Variants in FOXP1 observed in about 807,000 individuals in gnomAD.
FOXP1 encodes the protein forkhead box P1, also known as forkhead box protein P1.
A neutral mutation model predicts 98.2 loss-of-function variants in FOXP1; 15 were observed. That is an observed-to-expected ratio of 0.15 (90% CI 0.10 to 0.24). The LOEUF (loss-of-function observed/expected upper bound fraction) is 0.24. FOXP1 is among the 10% of genes least tolerant of loss of function. The probability of loss-of-function intolerance (pLI) is 1.00; values close to 1 mark genes in which losing one functional copy is unlikely to be tolerated. For missense variants in FOXP1, 633 were observed against 848.5 expected (o/e 0.75, Z 3.15); for synonymous variants, 371 against 314.5 (o/e 1.18, Z -1.90).
At chr3:71,234,719 A>G (rs536492393) in intron 5 of FOXP1, among the ~76,000 whole-genome samples, 1 of 152,338 alleles carries the variant, frequency 6.6e-6, no homozygotes, top group South Asian at 2.1e-4. Context: ...GTGAATGTTC[A>G]AAGAGTGACA....
rs952423735 is a variant in FOXP1 at position 71,373,992 on chromosome 3, G to T, written c.-167-14748C>A. Among the ~76,000 whole-genome samples the T allele has an allele frequency of 2.6e-4, 39 of 152,146 alleles. 1 individual carries two copies. The highest frequency in any genetic ancestry group is 1.6e-4 in the Non-Finnish European group (11 of 68,032). ...TTACCTGTTACTCTTGACAAGTAAG[G>T]TAATTAATGTAGCAAAATACCACTG... On this transcript the variant is annotated intron_variant, in intron 3 of 20. Coordinates refer to ENST00000649528, the MANE Select transcript of FOXP1 (RefSeq NM_001349338.3).
At chr3:71,277,779 TA>T (rs34566349) in intron 5 of FOXP1, among the ~76,000 whole-genome samples, 89,972 of 149,954 alleles carry the variant, frequency 0.6, 27,122 homozygotes, top group African/African-American at 0.68. Flanking sequence ...TTTCCCTAGT[TA>T]AAAAAAAAAA....
At chr3:71,428,947 C>T (rs990276333) in intron 3 of FOXP1, among the ~76,000 whole-genome samples, 1 of 152,212 alleles carries the variant, frequency 6.6e-6, no homozygotes, top group African/African-American at 2.4e-5. Flanking sequence ...GTCCATTCTA[C>T]TGTGCAATTA....
At chr3:71,390,236 C>G (rs2108116739) in intron 3 of FOXP1, among the ~76,000 whole-genome samples, 1 of 152,262 alleles carries the variant, frequency 6.6e-6, no homozygotes, top group East Asian at 1.9e-4. Context: ...TGCTGTAACT[C>G]AAAACCTCCT....
intron 12 of FOXP1, among the ~76,000 whole-genome samples, chr3:71,009,013 T>A (rs756343655): frequency 2.6e-5 from 4 of 151,822 alleles, no homozygotes; most frequent in Non-Finnish European, 4.4e-5. Flanking sequence ...TACAGCTTAT[T>A]AATCTGGAGC....
intron 4 of FOXP1, among the ~76,000 whole-genome samples, chr3:71,319,653 C>T (rs1327275889): frequency 1.3e-5 from 2 of 152,098 alleles, no homozygotes; most frequent in African/African-American, 4.8e-5. Context: ...CACACCATGC[C>T]ACTGAAACCT....
chr3:71,318,154 G>GTT (rs56227948), intron 4 of FOXP1, among the ~76,000 whole-genome samples: 1 of 133,250 alleles, frequency 7.5e-6, no homozygotes, highest in African/African-American at 2.8e-5. Context: ...ACCCAGCAAG[G>GTT]TTTTTTTTTT....
chr3:71,332,955 A>T (rs2076432083), intron 4 of FOXP1: 2 of 152,236 alleles, frequency 1.3e-5, no homozygotes. Flanking sequence ...CAAGTTTAAA[A>T]TAGCAGCTGA....
intron 2 of FOXP1, among the ~76,000 whole-genome samples, chr3:71,552,237 T>A (rs1365708541): frequency 6.6e-6 from 1 of 152,182 alleles, no homozygotes; most frequent in African/African-American, 2.4e-5. Context: ...CTATCAGATG[T>A]CAAATTTCTT....
At chr3:71,201,863 C>T (rs2063698138) in intron 5 of FOXP1, among the ~76,000 whole-genome samples, 4 of 152,054 alleles carry the variant, frequency 2.6e-5, no homozygotes, top group Admixed American at 2.6e-4. Flanking sequence ...ACTTGATCCC[C>T]AAAAGACAAC....
At chr3:70,961,752 G>C (rs2033582100) in intron 20 of FOXP1, among the ~76,000 whole-genome samples, 1 of 152,040 alleles carries the variant, frequency 6.6e-6, no homozygotes, top group African/African-American at 2.4e-5. Context: ...AAAATTTCAA[G>C]ACAAAAATGG....
chr3:71,531,687 A>G (rs2043863658), intron 2 of FOXP1, among the ~76,000 whole-genome samples: 1 of 152,148 alleles, frequency 6.6e-6, no homozygotes, highest in Non-Finnish European at 1.5e-5. Context: ...ATGATTTATC[A>G]TTTCTGACTA....
intron 3 of FOXP1, among the ~76,000 whole-genome samples, chr3:71,452,632 CGAG>C (rs1471818953): frequency 1.3e-5 from 2 of 152,046 alleles, no homozygotes; most frequent in African/African-American, 4.8e-5. Flanking sequence ...ATTTTTTTAC[CGAG>C]GATGCTGCTT....
intron 20 of FOXP1, among the ~76,000 whole-genome samples, chr3:70,959,778 A>T (rs559721317): frequency 4.9e-4 from 74 of 152,228 alleles, no homozygotes; most frequent in Admixed American, 9.8e-4. Context: ...CACACGCTGC[A>T]GTCACCTGTG....
chr3:71,483,588 G>A (rs888376278), intron 3 of FOXP1, among the ~76,000 whole-genome samples: 1 of 152,010 alleles, frequency 6.6e-6, no homozygotes, highest in Non-Finnish European at 1.5e-5. Flanking sequence ...TTCTAATTTC[G>A]GCGTCTGTAA....
intron 5 of FOXP1, among the ~76,000 whole-genome samples, chr3:71,299,008 G>C (rs188511780): frequency 2.0e-5 from 3 of 152,238 alleles, no homozygotes; most frequent in Non-Finnish European, 4.4e-5. Flanking sequence ...ATGAAACAAA[G>C]ATGCTACTGC....
At chr3:71,444,873 G>C (rs996464672) in intron 3 of FOXP1, among the ~76,000 whole-genome samples, 1 of 152,122 alleles carries the variant, frequency 6.6e-6, no homozygotes, top group Non-Finnish European at 1.5e-5. Context: ...CCAAGGGATT[G>C]GGGGGAGTGG....
intron 4 of FOXP1, among the ~76,000 whole-genome samples, chr3:71,343,554 A>AT (rs10658352): frequency 0.05 from 5,837 of 116,260 alleles, 509 homozygotes; most frequent in African/African-American, 0.14. Flanking sequence ...TCTCAATTAG[A>AT]TTTTTTTTTT....
intron 11 of FOXP1, among the ~76,000 whole-genome samples, chr3:71,033,320 G>A (rs1307305334): frequency 1.3e-5 from 2 of 152,034 alleles, no homozygotes; most frequent in South Asian, 2.1e-4. Flanking sequence ...CATTAGACAC[G>A]GAATAGCCTG....
Sources: allele counts gnomAD v4.1 joint callset (sites outside exome capture counted in the v4.1 genomes callset), GRCh38; gene constraint gnomAD v4.1.1; transcripts MANE v1.5; gene names NCBI Gene and HGNC (gene_info 2026-07-23, HGNC 2026-07-21).